The following CHCHD6 variants were observed in gnomAD, a reference collection of about 807,000 sequenced individuals.
The protein encoded by CHCHD6 is coiled-coil-helix-coiled-coil-helix domain containing 6, also known as MICOS complex subunit MIC25.
CHCHD6 carries 28 observed loss-of-function variants against 32.3 expected under a neutral mutation model. That is an observed-to-expected ratio of 0.87 (90% confidence interval 0.64 to 1.19). The LOEUF (loss-of-function observed/expected upper bound fraction) is 1.19. Among genes scored for constraint, CHCHD6 ranks in the 50% most tolerant of loss-of-function variants. The pLI is 0.00. For synonymous variants in CHCHD6, 122 were observed against 117.5 expected (o/e 1.04, Z -0.25); for missense variants, 333 against 307.0 (o/e 1.08, Z -0.63).
chr3:126,721,881 C>T (rs564976332), intron 1 of CHCHD6, among the ~76,000 whole-genome samples: 4 of 152,194 alleles, frequency 2.6e-5, no homozygotes, highest in Non-Finnish European at 4.4e-5. Flanking sequence ...TTTCACTTAG[C>T]GTAGTGCTTT....
At chr3:126,955,871 T>C (rs1184542424) in intron 6 of CHCHD6, among the ~76,000 whole-genome samples, 1 of 152,148 alleles carries the variant, frequency 6.6e-6, no homozygotes, top group African/African-American at 2.4e-5. Context: ...CCCTTTGACC[T>C]CTGCTGCAGA....
intron 6 of CHCHD6, among the ~76,000 whole-genome samples, chr3:126,922,315 T>TG (rs1387827193): frequency 6.6e-6 from 1 of 152,204 alleles, no homozygotes; most frequent in Admixed American, 6.5e-5. Context: ...TGAAGGCAAG[T>TG]TCATTGACCT....
intron 6 of CHCHD6, among the ~76,000 whole-genome samples, chr3:126,925,572 A>G (rs1341645536): frequency 6.6e-6 from 1 of 152,072 alleles, no homozygotes; most frequent in Non-Finnish European, 1.5e-5. Context: ...TCCTCATCTG[A>G]CCATGAGCCG....
chr3:126,859,725 A>C (rs746392128), intron 5 of CHCHD6, among the ~76,000 whole-genome samples: 25 of 152,204 alleles, frequency 1.6e-4, no homozygotes, highest in Non-Finnish European at 3.2e-4. Context: ...AGATGAAGTC[A>C]GGTCTGCGAG....
chr3:126,760,639 C>T (rs1187254025), intron 4 of CHCHD6, among the ~76,000 whole-genome samples: 2 of 152,198 alleles, frequency 1.3e-5, no homozygotes, highest in African/African-American at 4.8e-5. Flanking sequence ...ATAATACCTT[C>T]AAGGTTTATC....
chr3:126,914,821 C>A, intron 6 of CHCHD6, 71 bp downstream of exon 6: 1 of 792,132 alleles, frequency 1.3e-6, no homozygotes, highest in Non-Finnish European at 2.3e-6. Flanking sequence ...TGGCTTGAAA[C>A]CTGCCACCAC....
chr3:126,877,426 G>A (rs556882630), intron 5 of CHCHD6, among the ~76,000 whole-genome samples: 3 of 152,074 alleles, frequency 2.0e-5, no homozygotes, highest in African/African-American at 4.8e-5. Context: ...GTGGTTGTAG[G>A]CGCCTGTAGT....
intron 5 of CHCHD6, among the ~76,000 whole-genome samples, chr3:126,872,246 G>A (rs2077485059): frequency 6.6e-6 from 1 of 152,140 alleles, no homozygotes; most frequent in African/African-American, 2.4e-5. Flanking sequence ...AGCACAAAAT[G>A]TTGACAGTGC....
intron 4 of CHCHD6, among the ~76,000 whole-genome samples, chr3:126,782,849 A>AC (rs1938012456): frequency 6.6e-6 from 1 of 152,124 alleles, no homozygotes; most frequent in Non-Finnish European, 1.5e-5. Context: ...CCCAAAACAC[A>AC]CATAATCAAC....
chr3:126,909,162 A>G (rs991349219), intron 5 of CHCHD6, among the ~76,000 whole-genome samples: 3 of 152,206 alleles, frequency 2.0e-5, no homozygotes, highest in African/African-American at 7.2e-5. Context: ...GGAGGTGGTT[A>G]GGGGGTGTCT....
chr3:126,733,321 G>A, intron 4 of CHCHD6, 99 bp downstream of exon 4: 2 of 1,168,302 alleles, frequency 1.7e-6, no homozygotes, highest in African/African-American at 1.5e-5. Context: ...AGCCCTGCTG[G>A]CTCAGGCTGC....
chr3:126,737,921 C>A (rs1936120396), intron 4 of CHCHD6, among the ~76,000 whole-genome samples: 1 of 152,054 alleles, frequency 6.6e-6, no homozygotes, highest in African/African-American at 2.4e-5. Context: ...GTTTTCTGAA[C>A]CTCAAAAGAG....
intron 4 of CHCHD6, among the ~76,000 whole-genome samples, chr3:126,782,617 A>G (rs902226196): frequency 2.0e-5 from 3 of 152,288 alleles, no homozygotes; most frequent in African/African-American, 4.8e-5. Flanking sequence ...AGAGAGCTAG[A>G]CTCAGGGTCC....
intron 4 of CHCHD6, among the ~76,000 whole-genome samples, chr3:126,805,112 C>G (rs954080759): frequency 1.3e-5 from 2 of 152,090 alleles, no homozygotes; most frequent in African/African-American, 4.8e-5. Context: ...TGGGCAAAAA[C>G]TGGAAGCATT....
Position 126,762,207 on chromosome 3 carries a change from C to T in CHCHD6, c.411+28985C>T, listed in dbSNP as rs568535220. Among the ~76,000 whole-genome samples the T allele has an allele frequency of 3.9e-5, 6 of 152,118 alleles. No individual in the cohort carries two copies. The South Asian group carries it at 1.0e-3, about 26-fold the overall frequency. Reference sequence around the variant, plus strand: ...TTGCCAGCTTTGGGTTTAGTTTACTCTTTTTCTAGTTCTTTAAGTTATAAA... The same window carrying T: ...TTGCCAGCTTTGGGTTTAGTTTACTTTTTTTCTAGTTCTTTAAGTTATAAA... On this transcript the variant is annotated intron_variant, in intron 4 of 7. Coordinates refer to ENST00000290913, the MANE Select transcript of CHCHD6 (RefSeq NM_032343.3).
chr3:126,916,949 G>A (rs530745227), intron 6 of CHCHD6, among the ~76,000 whole-genome samples: 5 of 152,226 alleles, frequency 3.3e-5, no homozygotes, highest in Non-Finnish European at 7.3e-5. Context: ...TGCACTGGGG[G>A]AGAAGCCAGA....
At chr3:126,945,576 G>A (rs79138502) in intron 6 of CHCHD6, among the ~76,000 whole-genome samples, 3,895 of 144,894 alleles carry the variant, frequency 0.027, 83 homozygotes, top group Non-Finnish European at 0.037. Flanking sequence ...GGGGAGACTC[G>A]GTGTGGCGGA....
chr3:126,863,828 C>CCAT (rs1458848510), intron 5 of CHCHD6, among the ~76,000 whole-genome samples: 2 of 145,560 alleles, frequency 1.4e-5, no homozygotes, highest in East Asian at 2.5e-4. Flanking sequence ...TCCTCCTCTA[C>CCAT]CATCACCACC....
chr3:126,719,976 G>A (rs544160153), intron 1 of CHCHD6, among the ~76,000 whole-genome samples: 3 of 152,202 alleles, frequency 2.0e-5, no homozygotes, highest in African/African-American at 7.2e-5. Flanking sequence ...CACCTCCTGG[G>A]GTCAAATGAT....
Sources: allele counts gnomAD v4.1 joint callset (sites outside exome capture counted in the v4.1 genomes callset), GRCh38; gene constraint gnomAD v4.1.1; transcripts MANE v1.5; gene names NCBI Gene and HGNC (gene_info 2026-07-23, HGNC 2026-07-21).